Variants in RALGPS1 observed in about 807,000 individuals in gnomAD.
The protein encoded by RALGPS1 is Ral GEF with PH domain and SH3 binding motif 1.
In RALGPS1, 19 loss-of-function variants were observed where a neutral mutation model predicts 78.8. The ratio of observed to expected loss-of-function variants is 0.24; its 90% CI spans 0.17 to 0.35. RALGPS1 has a LOEUF of 0.35. Ranked by LOEUF, RALGPS1 falls within the 10% of genes least tolerant of loss-of-function variation. RALGPS1 has a pLI of 1.00. For synonymous variants in RALGPS1, 228 were observed against 256.3 expected (o/e 0.89, Z 1.06); for missense variants, 454 against 688.3 (o/e 0.66, Z 3.81).
chr9:126,928,807 C>T (rs888721418), intron 1 of RALGPS1, among the ~76,000 whole-genome samples: 5 of 151,946 alleles, frequency 3.3e-5, no homozygotes, highest in African/African-American at 7.3e-5. Context: ...TCACTGTGTT[C>T]GCCAGGCTGA....
At chr9:126,959,817 A>G (rs1185538332) in intron 1 of RALGPS1, among the ~76,000 whole-genome samples, 1 of 152,206 alleles carries the variant, frequency 6.6e-6, no homozygotes, top group African/African-American at 2.4e-5. Context: ...CTAAGGATAA[A>G]GACCTTTTCC....
At chr9:127,110,044 C>T (rs1208390700) in intron 8 of RALGPS1, among the ~76,000 whole-genome samples, 1 of 152,104 alleles carries the variant, frequency 6.6e-6, no homozygotes, top group Admixed American at 6.5e-5. Flanking sequence ...AACTTAAAAC[C>T]CTCTCTTGAC....
At chr9:126,952,681 CTGTG>C (rs1436186690) in intron 1 of RALGPS1, among the ~76,000 whole-genome samples, 7 of 65,616 alleles carry the variant, frequency 1.1e-4, no homozygotes, top group African/African-American at 2.6e-4. Flanking sequence ...GTGTGTGTGT[CTGTG>C]TGTCTGTGTG....
At chr9:127,022,496 G>A (rs768496011) in intron 4 of RALGPS1, among the ~76,000 whole-genome samples, 1 of 149,758 alleles carries the variant, frequency 6.7e-6, no homozygotes, top group African/African-American at 2.5e-5. Context: ...CAGTCCCTAC[G>A]TTGTTTTCCC....
chr9:127,043,653 A>G (rs1022236408), intron 5 of RALGPS1, among the ~76,000 whole-genome samples: 1 of 152,222 alleles, frequency 6.6e-6, no homozygotes, highest in Non-Finnish European at 1.5e-5. Context: ...ACACATGGTA[A>G]AGAGAATTAA....
chr9:127,061,142 G>T (rs200473410), intron 7 of RALGPS1, among the ~76,000 whole-genome samples: 1 of 152,124 alleles, frequency 6.6e-6, no homozygotes, highest in Non-Finnish European at 1.5e-5. Context: ...CATAATAGAC[G>T]CATTTTGACA....
At chr9:126,973,398 G>C (rs1327796027) in intron 3 of RALGPS1, among the ~76,000 whole-genome samples, 3 of 152,060 alleles carry the variant, frequency 2.0e-5, no homozygotes, top group Non-Finnish European at 2.9e-5. Context: ...AGGTAGGTAG[G>C]TAGATAGCAC....
chr9:127,032,815 C>T (rs144946810), intron 4 of RALGPS1, among the ~76,000 whole-genome samples: 1 of 152,072 alleles, frequency 6.6e-6, no homozygotes, highest in East Asian at 1.9e-4. Context: ...CACAGTGAGA[C>T]CCCCATCTCT....
chr9:127,178,097 C>A, intron 11 of RALGPS1: 1 of 1,208,972 alleles, frequency 8.3e-7, no homozygotes, highest in Non-Finnish European at 1.1e-6. Flanking sequence ...GAAGTGTTAC[C>A]AATCCCAGGG....
chr9:127,108,848 T>G, intron 8 of RALGPS1: 1 of 1,147,722 alleles, frequency 8.7e-7, no homozygotes, highest in Non-Finnish European at 1.2e-6. Context: ...CCATCAGTGA[T>G]CCCAGCCTTC....
intron 4 of RALGPS1, among the ~76,000 whole-genome samples, chr9:126,991,242 G>A (rs966549629): frequency 3.3e-5 from 5 of 152,212 alleles, no homozygotes; most frequent in Admixed American, 3.3e-4. Flanking sequence ...GTGGAGATAA[G>A]AGTAGGGGCT....
At chr9:127,120,421 G>A (rs1459604667) in intron 8 of RALGPS1, among the ~76,000 whole-genome samples, 1 of 152,156 alleles carries the variant, frequency 6.6e-6, no homozygotes, top group Admixed American at 6.5e-5. Context: ...CCTCTCCTCA[G>A]GCTCCTGGAA....
At chr9:127,106,949 A>T (rs372653020) in intron 8 of RALGPS1, 1 of 152,268 alleles carries the variant, frequency 6.6e-6, no homozygotes, top group South Asian at 2.1e-4. Context: ...TGGTTCATTT[A>T]TGCAGAGATG....
chr9:127,064,300 A>G (rs1447164824), intron 7 of RALGPS1, among the ~76,000 whole-genome samples: 1 of 152,162 alleles, frequency 6.6e-6, no homozygotes, highest in East Asian at 1.9e-4. Context: ...ATAAACTCCA[A>G]AATCTAAGGG....
Position 127,183,992 on chromosome 9 carries a change from T to C in RALGPS1, c.910+9210T>C. 6.5e-7 allele frequency: 1 copy of C among 1,550,192 alleles called. No individual in the cohort carries two copies. The highest frequency in any genetic ancestry group is 8.7e-7 in the Non-Finnish European group (1 of 1,146,914). On this transcript the variant is annotated intron_variant, in intron 11 of 18. Transcript: ENST00000259351. The surrounding 1 kb of genome is among the most constrained non-coding windows in gnomAD (Gnocchi z 4.0). ...ACGAGTACCAGCGGCTCCCCCAGCA[T>C]CTGCTGCTCCGCGCTCCCCGTGGCC...
At chr9:127,018,002 A>C (rs2045032025) in intron 4 of RALGPS1, among the ~76,000 whole-genome samples, 1 of 152,106 alleles carries the variant, frequency 6.6e-6, no homozygotes, top group African/African-American at 2.4e-5. Context: ...GGATCACCTG[A>C]GGTCAGGAGT....
chr9:127,003,958 C>T (rs1008183545), intron 4 of RALGPS1, among the ~76,000 whole-genome samples: 1 of 152,188 alleles, frequency 6.6e-6, no homozygotes, highest in African/African-American at 2.4e-5. Flanking sequence ...GCACATTTAT[C>T]CTCTTTCTGG....
chr9:127,025,782 C>T (rs2045913381), intron 4 of RALGPS1, among the ~76,000 whole-genome samples: 1 of 151,968 alleles, frequency 6.6e-6, no homozygotes, highest in African/African-American at 2.4e-5. Context: ...GCCTTGAACT[C>T]CTGGGCTCAA....
At chr9:127,204,896 G>T (rs1052669071) in intron 14 of RALGPS1, among the ~76,000 whole-genome samples, 2 of 152,200 alleles carry the variant, frequency 1.3e-5, no homozygotes, top group African/African-American at 2.4e-5. Flanking sequence ...AGGTCTGCCA[G>T]GTCCCAAGGA....
Sources: gnomAD v4.1 joint callset for allele counts (sites outside exome capture counted in the v4.1 genomes callset) on GRCh38, gnomAD v4.1.1 for gene constraint, Gnocchi (gnomAD v3.1) non-coding constraint, MANE v1.5 for transcripts, NCBI Gene and HGNC (gene_info 2026-07-23, HGNC 2026-07-21) for gene names.